TC2N: variants seen among roughly 807,000 people sequenced by gnomAD.
TC2N encodes tandem C2 domains nuclear protein.
Under a neutral mutation model 61.9 loss-of-function variants are expected in TC2N, and 51 were observed. That is an observed-to-expected ratio of 0.82 (90% CI 0.66 to 1.04). The LOEUF (loss-of-function observed/expected upper bound fraction) is 1.04, where lower values mean the gene tolerates loss of function less well. Among genes scored for constraint, TC2N ranks in the 50% least tolerant of loss-of-function variants. TC2N has a pLI of 0.00. For synonymous variants in TC2N, 204 were observed against 192.6 expected (o/e 1.06, Z -0.49); for missense variants, 556 against 566.7 (o/e 0.98, Z 0.19).
At chr14:91,790,850 G>A (rs1300180843) in intron 9 of TC2N, among the ~76,000 whole-genome samples, 1 of 152,100 alleles carries the variant, frequency 6.6e-6, no homozygotes, top group East Asian at 1.9e-4. Flanking sequence ...AATAGGCAAG[G>A]CTGGGCGCAG....
At chr14:91,860,544 C>T (rs914700236) in intron 1 of TC2N, among the ~76,000 whole-genome samples, 8 of 152,186 alleles carry the variant, frequency 5.3e-5, no homozygotes, top group African/African-American at 1.7e-4. Flanking sequence ...CTGTGAAATG[C>T]TGACCTGCAC....
intron 1 of TC2N, among the ~76,000 whole-genome samples, chr14:91,826,195 C>T (rs930227402): frequency 6.6e-6 from 1 of 151,692 alleles, no homozygotes; most frequent in African/African-American, 2.4e-5. Context: ...TAGTGCATAC[C>T]TGTAGTTCCA....
intron 9 of TC2N, among the ~76,000 whole-genome samples, chr14:91,790,508 T>C (rs1885592256): frequency 6.6e-6 from 1 of 152,208 alleles, no homozygotes; most frequent in South Asian, 2.1e-4. Context: ...TATCAATCTA[T>C]AACCCTAGCA....
chr14:91,830,093 T>C (rs796219767), intron 1 of TC2N, among the ~76,000 whole-genome samples: 35 of 152,292 alleles, frequency 2.3e-4, no homozygotes, highest in African/African-American at 7.9e-4. Flanking sequence ...AAATTGCTTA[T>C]GAGAATGTAA....
At chr14:91,824,585 T>A (rs1008546891) in intron 1 of TC2N, among the ~76,000 whole-genome samples, 4 of 152,200 alleles carry the variant, frequency 2.6e-5, no homozygotes, top group African/African-American at 9.7e-5. Context: ...TACAAGCATT[T>A]ATTGAGCATC....
chr14:91,820,106 G>T (rs1566778087), intron 1 of TC2N, among the ~76,000 whole-genome samples: 1 of 152,030 alleles, frequency 6.6e-6, no homozygotes, highest in South Asian at 2.1e-4. Context: ...GGCAGAAATT[G>T]CCAGACTGGA....
intron 1 of TC2N, among the ~76,000 whole-genome samples, chr14:91,834,325 T>C (rs1390628370): frequency 1.3e-5 from 2 of 152,236 alleles, no homozygotes; most frequent in African/African-American, 2.4e-5. Context: ...CTTTTCAACA[T>C]GCTCAGCTTC....
At chr14:91,801,660 G>A (rs969614750) in intron 4 of TC2N, among the ~76,000 whole-genome samples, 1 of 152,182 alleles carries the variant, frequency 6.6e-6, no homozygotes, top group Non-Finnish European at 1.5e-5. Flanking sequence ...GGGCAACAAA[G>A]TGAGACTCTG....
chr14:91,854,580 A>G (rs1440694517), intron 1 of TC2N, among the ~76,000 whole-genome samples: 1 of 152,128 alleles, frequency 6.6e-6, no homozygotes, highest in African/African-American at 2.4e-5. Context: ...GCAAAAGACC[A>G]AACAAACTGA....
At chr14:91,786,690 C>T (rs1037368225) in intron 10 of TC2N, among the ~76,000 whole-genome samples, 7 of 152,290 alleles carry the variant, frequency 4.6e-5, no homozygotes, top group Non-Finnish European at 7.4e-5. Context: ...AGAATCTCTT[C>T]TGAATTTGAA....
intron 1 of TC2N, among the ~76,000 whole-genome samples, chr14:91,852,529 G>C (rs1301809582): frequency 1.3e-5 from 2 of 152,106 alleles, no homozygotes; most frequent in Non-Finnish European, 2.9e-5. Context: ...TGAAAGAATA[G>C]AGTATCAAGA....
chr14:91,807,189 G>A (rs1886549199), intron 3 of TC2N, among the ~76,000 whole-genome samples: 1 of 152,200 alleles, frequency 6.6e-6, no homozygotes, highest in East Asian at 1.9e-4. Flanking sequence ...TGCAGAGGTG[G>A]GGCCCTCATG....
At chr14:91,799,908 A>C (rs530750479) in intron 5 of TC2N, among the ~76,000 whole-genome samples, 12 of 152,270 alleles carry the variant, frequency 7.9e-5, no homozygotes, top group African/African-American at 2.9e-4. Flanking sequence ...TGTTAACATC[A>C]GTGAATAAAG....
Position 91,802,238 on chromosome 14 carries a change from C to G in TC2N, c.469+16G>C. The G allele has an allele frequency of 2.7e-6, 4 of 1,503,434 alleles. No individual in the cohort carries two copies. The highest frequency in any genetic ancestry group is 3.5e-6 in the Non-Finnish European group (4 of 1,130,278). The allele number at this position is 1,503,434 out of a possible 1,614,324, so 93.1% of individuals were successfully genotyped here. A position where few individuals can be genotyped will look rare whatever the true frequency, so the allele number is the denominator to read the frequency against. ...AAGAGAAACACAGAGAGGAAAAGCA[C>G]AAAAGATCTTCATACCCGATCCATA... On this transcript the variant is annotated intron_variant, in intron 4 of 11. Transcript: ENST00000435962.
intron 10 of TC2N, among the ~76,000 whole-genome samples, chr14:91,787,045 A>G (rs868082152): frequency 6.6e-6 from 1 of 152,096 alleles, no homozygotes; most frequent in Non-Finnish European, 1.5e-5. Context: ...TGCCCACTCA[A>G]ATCTCTGGGA....
At chr14:91,864,127 C>T (rs1888648950) in intron 1 of TC2N, among the ~76,000 whole-genome samples, 1 of 152,238 alleles carries the variant, frequency 6.6e-6, no homozygotes. Flanking sequence ...TGAAAAACAA[C>T]TCAGGGATAT....
At chr14:91,856,192 C>A (rs1888479012) in intron 1 of TC2N, among the ~76,000 whole-genome samples, 1 of 152,100 alleles carries the variant, frequency 6.6e-6, no homozygotes, top group South Asian at 2.1e-4. Context: ...AAAAAGTATT[C>A]AAGATACTTT....
At chr14:91,849,850 C>A (rs961607283) in intron 1 of TC2N, among the ~76,000 whole-genome samples, 3 of 152,052 alleles carry the variant, frequency 2.0e-5, no homozygotes, top group African/African-American at 7.2e-5. Context: ...GAGTTTGAGA[C>A]CAGCCTGGCC....
At position 91,787,579 on chromosome 14, in the gene TC2N, T is replaced by C; in HGVS notation, c.1096A>G (p.Ser366Gly). Residue 366 changes from serine (S) to glycine (G), a missense_variant, in exon 10 of 12, where the codon AGC becomes GGC. Coordinates refer to ENST00000435962, the MANE Select transcript of TC2N (RefSeq NM_001128596.3). ...TCAAGAATTTGTAACTGAATTCTGC[T>C]ATTTACTGCTTGAAAACAAGTCCCC... is the stretch of plus-strand genomic sequence containing the variant. ...ELGTCFQAVNSRIQLQILEAR... is the reference protein window; with the variant it reads ...ELGTCFQAVNGRIQLQILEAR... 1.2e-6 allele frequency: 2 copies of C among 1,612,766 alleles called. No individual in the cohort carries two copies. The highest frequency in any genetic ancestry group is 1.7e-6 in the Non-Finnish European group (2 of 1,179,402).
Sources: allele counts gnomAD v4.1 joint callset (sites outside exome capture counted in the v4.1 genomes callset), GRCh38; gene constraint gnomAD v4.1.1; transcripts MANE v1.5; gene names NCBI Gene and HGNC (gene_info 2026-07-23, HGNC 2026-07-21).